Variants in XKR6 observed in about 807,000 individuals in gnomAD.
The protein encoded by XKR6 is XK-related protein 6.
XKR6 carries 22 observed loss-of-function variants against 56.7 expected under a neutral mutation model. The observed-to-expected ratio is 0.39, with a 90% CI of 0.28 to 0.55. XKR6 has a LOEUF of 0.55. XKR6 is among the 20% of genes least tolerant of loss of function. The pLI, the probability that XKR6 is intolerant of heterozygous loss-of-function variation, is 0.66. For missense variants in XKR6, 852 were observed against 889.0 expected, an observed-to-expected ratio of 0.96 and a Z score of 0.53; for synonymous variants, 524 against 387.8, an observed-to-expected ratio of 1.35 and a Z score of -4.13.
rs148178733 is a variant in XKR6, at chr8:11,178,272, A to C, written c.764+22304T>G. 7.6e-4 allele frequency among the ~76,000 whole-genome samples: 115 copies of C among 152,276 alleles called. 1 individual carries two copies. The Middle Eastern group carries it at 0.01, about 14-fold the overall frequency. ...CTCTAGACAATCAGCTCCGGATGGA[A>C]CTGTAGCAACCTCAAGGATCAATAA... is the stretch of plus-strand genomic sequence containing the variant. On this transcript the variant is annotated intron_variant, in intron 1 of 2. Transcript: ENST00000416569.
At chr8:11,162,212 A>T (rs1048574897) in intron 1 of XKR6, among the ~76,000 whole-genome samples, 1 of 152,250 alleles carries the variant, frequency 6.6e-6, no homozygotes, top group Non-Finnish European at 1.5e-5. Context: ...AGGTAGAGAA[A>T]GCTGGGAAAG....
intron 1 of XKR6, among the ~76,000 whole-genome samples, chr8:11,093,814 C>T (rs113033410): frequency 0.18 from 27,434 of 151,870 alleles, 2,737 homozygotes; most frequent in African/African-American, 0.25. Context: ...GATGGAGTCT[C>T]GCTCTGTCGC....
chr8:11,106,859 A>AAT (rs1554459712), intron 1 of XKR6, among the ~76,000 whole-genome samples: 4 of 149,102 alleles, frequency 2.7e-5, no homozygotes, highest in Admixed American at 6.7e-5. Context: ...TCAAAAAAAA[A>AAT]AAAAAATAAA....
intron 1 of XKR6, among the ~76,000 whole-genome samples, chr8:11,156,746 G>T (rs962958879): frequency 6.6e-6 from 1 of 152,024 alleles, no homozygotes; most frequent in Non-Finnish European, 1.5e-5. Flanking sequence ...ACAAAATCTT[G>T]CTTACAGAAG....
At chr8:11,067,574 T>G (rs957138947) in intron 1 of XKR6, among the ~76,000 whole-genome samples, 11 of 152,240 alleles carry the variant, frequency 7.2e-5, no homozygotes, top group Non-Finnish European at 2.9e-5. Context: ...TAATAGACAT[T>G]TCTTGAAAGG....
chr8:10,913,277 C>A (rs1800463038), intron 2 of XKR6, among the ~76,000 whole-genome samples: 1 of 151,998 alleles, frequency 6.6e-6, no homozygotes, highest in South Asian at 2.1e-4. Context: ...GATCCATCTG[C>A]CTTTTTCGCC....
chr8:10,980,522 T>A (rs1341110425), intron 1 of XKR6, among the ~76,000 whole-genome samples: 2 of 152,212 alleles, frequency 1.3e-5, no homozygotes, highest in African/African-American at 4.8e-5. Context: ...GGAACGTGCC[T>A]AGCACATTCC....
chr8:11,053,716 G>T (rs1799612307), intron 1 of XKR6, among the ~76,000 whole-genome samples: 1 of 152,130 alleles, frequency 6.6e-6, no homozygotes, highest in South Asian at 2.1e-4. Context: ...ATTCCCACAG[G>T]GACCAAGATT....
At chr8:11,115,682 C>T (rs1277289511) in intron 1 of XKR6, among the ~76,000 whole-genome samples, 2 of 152,152 alleles carry the variant, frequency 1.3e-5, no homozygotes, top group African/African-American at 4.8e-5. Context: ...AATTAAGCTC[C>T]ATGTTCATCT....
intron 1 of XKR6, among the ~76,000 whole-genome samples, chr8:11,013,805 T>C (rs1341914960): frequency 6.6e-6 from 1 of 152,230 alleles, no homozygotes; most frequent in Non-Finnish European, 1.5e-5. Context: ...CAGGGTTCCT[T>C]ACACAGAAGG....
chr8:11,081,507 T>C (rs1797720996), intron 1 of XKR6, among the ~76,000 whole-genome samples: 2 of 152,258 alleles, frequency 1.3e-5, no homozygotes, highest in African/African-American at 4.8e-5. Flanking sequence ...GACATTTAAT[T>C]CATTTTAATC....
intron 1 of XKR6, among the ~76,000 whole-genome samples, chr8:10,953,284 C>T (rs1004342895): frequency 2.0e-5 from 3 of 152,206 alleles, no homozygotes; most frequent in African/African-American, 7.2e-5. Context: ...TTCCTTGGTG[C>T]TCTCCTCGAG....
At chr8:11,166,967 G>C (rs1802108809) in intron 1 of XKR6, among the ~76,000 whole-genome samples, 1 of 152,164 alleles carries the variant, frequency 6.6e-6, no homozygotes, top group South Asian at 2.1e-4. Context: ...TTGCCAGGGA[G>C]ATACAGGAAG....
chr8:10,971,433 ATTAAT>A (rs768644281), intron 1 of XKR6, among the ~76,000 whole-genome samples: 35 of 152,206 alleles, frequency 2.3e-4, no homozygotes, highest in Middle Eastern at 3.4e-3. Flanking sequence ...AAAGTAATTA[ATTAAT>A]TTAATTTAAT....
rs551904771 is a variant in XKR6, at chr8:10,898,965, G to T, written c.962-49C>A. 2 of 1,535,728 alleles carry T rather than the reference G, an allele frequency of 1.3e-6. No homozygotes were observed. The highest frequency in any genetic ancestry group is 8.7e-7 in the Non-Finnish European group (1 of 1,147,640). On this transcript the variant is annotated intron_variant, in intron 2 of 2. Coordinates refer to ENST00000416569, the MANE Select transcript of XKR6 (RefSeq NM_173683.4). This position sits in a 1 kb window ranked among gnomAD's most constrained non-coding sequence, Gnocchi z 6.6. ...ACAGTCAAAACCTTGGACATCAACCGCAGGGCACAGTGAAGCTGCCGGCTG... is the reference window on the plus strand; with the variant it reads ...ACAGTCAAAACCTTGGACATCAACCTCAGGGCACAGTGAAGCTGCCGGCTG...
intron 1 of XKR6, chr8:11,108,476 A>G (rs1232389729): frequency 2.5e-6 from 1 of 406,742 alleles, no homozygotes; most frequent in South Asian, 1.9e-5. Context: ...TTTAAAAAAC[A>G]GGACATTAGT....
chr8:10,957,222 A>G (rs1269954841), intron 1 of XKR6, among the ~76,000 whole-genome samples: 1 of 152,172 alleles, frequency 6.6e-6, no homozygotes, highest in East Asian at 1.9e-4. Context: ...AAATGCTGGG[A>G]TTCCAGGCAG....
At chr8:11,041,555 C>CA (rs397892339) in intron 1 of XKR6, among the ~76,000 whole-genome samples, 1,495 of 134,564 alleles carry the variant, frequency 0.011, 41 homozygotes, top group East Asian at 0.081. Flanking sequence ...GACTTTGTCT[C>CA]AAAAAAAAAA....
At chr8:10,981,174 C>G (rs1161461210) in intron 1 of XKR6, among the ~76,000 whole-genome samples, 1 of 152,168 alleles carries the variant, frequency 6.6e-6, no homozygotes, top group Admixed American at 6.5e-5. Context: ...ACAGCTCTTG[C>G]AATACTGAGA....
Sources: allele counts gnomAD v4.1 joint callset (sites outside exome capture counted in the v4.1 genomes callset), GRCh38; gene constraint gnomAD v4.1.1; non-coding constraint Gnocchi (gnomAD v3.1); transcripts MANE v1.5; gene names NCBI Gene and HGNC (gene_info 2026-07-23, HGNC 2026-07-21).